CSMD1: variants seen among roughly 807,000 people sequenced by gnomAD.
CSMD1 encodes CUB and Sushi multiple domains 1, also known as CUB and sushi domain-containing protein 1.
CSMD1 carries 213 observed loss-of-function variants against 417.5 expected under a neutral mutation model. That is an observed-to-expected ratio of 0.51 (90% CI 0.46 to 0.57). The LOEUF (loss-of-function observed/expected upper bound fraction) is 0.57, where lower values mean the gene tolerates loss of function less well. Among genes scored for constraint, CSMD1 ranks in the 20% least tolerant of loss-of-function variants. The pLI, the probability that CSMD1 is intolerant of heterozygous loss-of-function variation, is 0.00. For missense variants in CSMD1, 6,923 were observed against 4,529.7 expected, an observed-to-expected ratio of 1.53 and a Z score of -15.17; for synonymous variants, 2,862 against 1,736.8, an observed-to-expected ratio of 1.65 and a Z score of -16.11.
chr8:2,939,898 A>T (rs1454784795), intron 69 of CSMD1, among the ~76,000 whole-genome samples: 1 of 152,208 alleles, frequency 6.6e-6, no homozygotes, highest in East Asian at 1.9e-4. Flanking sequence ...AATCGTCCAG[A>T]TCACAAGCTG....
intron 40 of CSMD1, among the ~76,000 whole-genome samples, chr8:3,150,247 C>G (rs532285202): frequency 3.3e-5 from 5 of 152,206 alleles, no homozygotes; most frequent in Non-Finnish European, 7.3e-5. Flanking sequence ...CACAGAGTCT[C>G]TCCCTTCCTT....
At chr8:4,799,886 A>G (rs1414827146) in intron 1 of CSMD1, among the ~76,000 whole-genome samples, 1 of 152,162 alleles carries the variant, frequency 6.6e-6, no homozygotes, top group African/African-American at 2.4e-5. Context: ...AACATTCAAC[A>G]GACCTGGACT....
At chr8:3,182,841 GGTGTGTGTGTGTGT>G (rs1554454770) in intron 36 of CSMD1, 209 of 11,436 alleles carry the variant, frequency 0.018, no homozygotes, top group African/African-American at 0.045. Context: ...TTTATAAGAA[GGTGTGTGTGTGTGT>G]GTGTGTGTGT....
intron 2 of CSMD1, among the ~76,000 whole-genome samples, chr8:4,472,190 T>G (rs1193683241): frequency 1.3e-5 from 2 of 152,188 alleles, no homozygotes; most frequent in Admixed American, 6.5e-5. Flanking sequence ...AAAATGTTAT[T>G]TTTTCTCTTA....
intron 6 of CSMD1, among the ~76,000 whole-genome samples, chr8:3,723,473 C>T (rs1348907692): frequency 6.6e-6 from 1 of 152,152 alleles, no homozygotes; most frequent in Non-Finnish European, 1.5e-5. Context: ...ACCTTAGGAT[C>T]CTGTGTATTC....
At chr8:4,202,952 T>G (rs1179464492) in intron 3 of CSMD1, among the ~76,000 whole-genome samples, 1 of 152,110 alleles carries the variant, frequency 6.6e-6, no homozygotes, top group Non-Finnish European at 1.5e-5. Context: ...CTTTTTGCAG[T>G]TGTGGGAGGA....
At chr8:3,551,592 ATATATT>A (rs1262839408) in intron 10 of CSMD1, among the ~76,000 whole-genome samples, 2 of 117,226 alleles carry the variant, frequency 1.7e-5, no homozygotes, top group Non-Finnish European at 3.5e-5. Context: ...ATATATATAT[ATATATT>A]TTTTTTTTTT....
intron 1 of CSMD1, among the ~76,000 whole-genome samples, chr8:4,856,839 C>A (rs887947328): frequency 3.2e-4 from 49 of 152,002 alleles, no homozygotes; most frequent in African/African-American, 1.2e-3. Context: ...ACCCCACTGT[C>A]AACATTACAC....
At position 4,738,674 on chromosome 8, in the gene CSMD1, A is replaced by C. The variant is rs1810401538; in HGVS notation, c.86-101116T>G. Among the ~76,000 whole-genome samples the C allele has an allele frequency of 2.0e-5, 3 of 150,914 alleles. No individual in the cohort carries two copies. The South Asian group carries it at 6.2e-4, about 31-fold the overall frequency. On this transcript the variant is annotated intron_variant, in intron 1 of 69. Transcript: ENST00000635120. ...GTTTCTGTCATTTTTTGACAAAGTAAAAAAAATCAGTATATTATATAAATT... is the reference window on the plus strand; with the variant it reads ...GTTTCTGTCATTTTTTGACAAAGTACAAAAAATCAGTATATTATATAAATT...
At chr8:3,833,335 C>T (rs1383798797) in intron 5 of CSMD1, among the ~76,000 whole-genome samples, 2 of 152,078 alleles carry the variant, frequency 1.3e-5, no homozygotes, top group Middle Eastern at 3.4e-3. Context: ...TTATTCTAAG[C>T]CTCTGGGCCA....
intron 3 of CSMD1, among the ~76,000 whole-genome samples, chr8:4,151,428 A>C (rs1021212823): frequency 7.2e-5 from 11 of 152,228 alleles, no homozygotes; most frequent in Admixed American, 7.2e-4. Flanking sequence ...ATAAATTCTG[A>C]GACATTTGTA....
At chr8:3,060,858 C>A (rs1376453535) in intron 49 of CSMD1, among the ~76,000 whole-genome samples, 1 of 152,134 alleles carries the variant, frequency 6.6e-6, no homozygotes, top group Non-Finnish European at 1.5e-5. Flanking sequence ...GCCATTTTGT[C>A]CTCCTGCCTC....
intron 1 of CSMD1, chr8:4,787,390 A>T (rs1797461879): frequency 2.7e-6 from 2 of 734,172 alleles, no homozygotes; most frequent in African/African-American, 1.7e-5. Flanking sequence ...AAAACAAAAG[A>T]AGTCTACGAA....
intron 2 of CSMD1, 45 bp from the exon 3 acceptor site, chr8:4,420,110 T>C: frequency 7.0e-7 from 1 of 1,421,070 alleles, no homozygotes; most frequent in Non-Finnish European, 9.6e-7. Context: ...AAGCATGAAT[T>C]TGTCAAAAAA....
At chr8:4,613,871 A>AAG (rs1801325314) in intron 2 of CSMD1, among the ~76,000 whole-genome samples, 2 of 151,866 alleles carry the variant, frequency 1.3e-5, no homozygotes, top group African/African-American at 4.8e-5. Flanking sequence ...AAAAAAAAAA[A>AAG]AAAAAGAAAA....
intron 3 of CSMD1, among the ~76,000 whole-genome samples, chr8:4,198,409 A>T (rs780862030): frequency 9.9e-5 from 15 of 152,238 alleles, no homozygotes; most frequent in Non-Finnish European, 2.2e-4. Flanking sequence ...CAGAATTTTC[A>T]GATTGGCAAT....
chr8:3,760,463 G>A (rs1054346678), intron 5 of CSMD1, among the ~76,000 whole-genome samples: 1 of 152,116 alleles, frequency 6.6e-6, no homozygotes, highest in Admixed American at 6.5e-5. Flanking sequence ...CCAAATAATT[G>A]TACCATACAT....
At chr8:3,282,912 C>G (rs1384042842) in intron 26 of CSMD1, among the ~76,000 whole-genome samples, 1 of 152,062 alleles carries the variant, frequency 6.6e-6, no homozygotes, top group East Asian at 1.9e-4. Context: ...GTGCAAATTC[C>G]ACTTGTTTTA....
intron 2 of CSMD1, among the ~76,000 whole-genome samples, chr8:4,528,950 T>C (rs1185249682): frequency 6.6e-6 from 1 of 152,312 alleles, no homozygotes; most frequent in Middle Eastern, 3.4e-3. Context: ...CCAGGGAACA[T>C]ACTGTATTTT....
Sources: gnomAD v4.1 joint callset for allele counts (sites outside exome capture counted in the v4.1 genomes callset) on GRCh38, gnomAD v4.1.1 for gene constraint, MANE v1.5 for transcripts, NCBI Gene and HGNC (gene_info 2026-07-23, HGNC 2026-07-21) for gene names.